CUBN: variants seen among roughly 807,000 people sequenced by gnomAD.
The protein encoded by CUBN is 460 kDa receptor.
In CUBN, 282 loss-of-function variants were observed where a neutral mutation model predicts 405.3. That is an observed-to-expected ratio of 0.70 (90% CI 0.63 to 0.77). The LOEUF is 0.77. CUBN is among the 30% of genes least tolerant of loss of function. The pLI is 0.00. For synonymous variants in CUBN, 1,684 were observed against 1,617.0 expected, an observed-to-expected ratio of 1.04 and a Z score of -0.99; for missense variants, 4,514 against 4,475.2, an observed-to-expected ratio of 1.01 and a Z score of -0.25.
intron 27 of CUBN, among the ~76,000 whole-genome samples, chr10:17,040,506 A>T (rs1834995025): frequency 6.6e-6 from 1 of 152,186 alleles, no homozygotes; most frequent in Non-Finnish European, 1.5e-5. Context: ...TATTTAAGCA[A>T]GATTTATTGC....
chr10:17,124,668 T>C (rs957517105), intron 4 of CUBN, among the ~76,000 whole-genome samples: 1 of 152,194 alleles, frequency 6.6e-6, no homozygotes, highest in East Asian at 1.9e-4. Flanking sequence ...GACCTCGTGA[T>C]CCGCCCGCCT....
chr10:16,915,592 C>T (rs1207367567), intron 46 of CUBN, among the ~76,000 whole-genome samples: 1 of 152,156 alleles, frequency 6.6e-6, no homozygotes. Context: ...CCGTTGCTCT[C>T]CCCAAGTGGC....
intron 22 of CUBN, among the ~76,000 whole-genome samples, chr10:17,060,993 G>C (rs920497234): frequency 1.3e-5 from 2 of 152,130 alleles, no homozygotes; most frequent in African/African-American, 4.8e-5. Flanking sequence ...AGGTTGCAGT[G>C]AGCTGAGATA....
chr10:16,920,414 C>T (rs1371773671), intron 43 of CUBN, among the ~76,000 whole-genome samples: 7 of 152,078 alleles, frequency 4.6e-5, no homozygotes, highest in African/African-American at 9.7e-5. Context: ...ACATGGTGCA[C>T]GGGGCAGAAC....
At chr10:16,826,660 TAA>T (rs1280283427) in intron 66 of CUBN, among the ~76,000 whole-genome samples, 1 of 152,110 alleles carries the variant, frequency 6.6e-6, no homozygotes, top group Non-Finnish European at 1.5e-5. Flanking sequence ...CACCAACAGT[TAA>T]AAAAATTGAT....
intron 60 of CUBN, among the ~76,000 whole-genome samples, chr10:16,846,252 C>T (rs966553327): frequency 4.6e-5 from 7 of 152,154 alleles, no homozygotes; most frequent in East Asian, 1.9e-4. Context: ...TATTGGCATG[C>T]GGGTTGCAAA....
At chr10:17,126,671 A>G in intron 4 of CUBN, 90 bp downstream of exon 4, 7 of 1,378,056 alleles carry the variant, frequency 5.1e-6, no homozygotes, top group South Asian at 3.5e-5. Context: ...TTAATCATCC[A>G]TTCACCTTCA....
chr10:16,856,422 A>C (rs1839869912), intron 59 of CUBN, among the ~76,000 whole-genome samples: 1 of 152,236 alleles, frequency 6.6e-6, no homozygotes, highest in African/African-American at 2.4e-5. Flanking sequence ...AATATTGGAA[A>C]TATAACCCCA....
chr10:16,855,878 G>C (rs528578534), intron 59 of CUBN, among the ~76,000 whole-genome samples: 7 of 152,240 alleles, frequency 4.6e-5, no homozygotes, highest in Admixed American at 1.3e-4. Flanking sequence ...GTAGTGCAGG[G>C]AATAGCAATT....
intron 34 of CUBN, 100 bp downstream of exon 34, chr10:16,949,901 T>C: frequency 1.1e-6 from 1 of 882,520 alleles, no homozygotes; most frequent in Admixed American, 2.0e-5. Flanking sequence ...TTTCTATTTA[T>C]TGGAAACATT....
In CUBN at chr10:16,834,923, A is replaced by G. The variant is rs703060; in HGVS notation, c.10362+91T>C. The G allele has an allele frequency of 0.5, 584,353 of 1,160,668 alleles. 155,766 individuals carry two copies. The highest frequency in any genetic ancestry group is 0.89 in the African/African-American group (57,584 of 64,708). The allele number at this position is 1,160,668 out of a possible 1,614,324, so 71.9% of individuals were successfully genotyped here. A position where few individuals can be genotyped will look rare whatever the true frequency, so the allele number is the denominator to read the frequency against. ...TAATGAAACAAATAAGAATCATATA[A>G]TATTAGCAGCACTAGATAAAAGGTG... On this transcript the variant is annotated intron_variant, in intron 64 of 66. Transcript: ENST00000377833.
intron 4 of CUBN, among the ~76,000 whole-genome samples, chr10:17,124,303 A>G (rs1021463153): frequency 1.1e-4 from 17 of 152,184 alleles, no homozygotes; most frequent in African/African-American, 1.2e-4. Context: ...CTACATCTAC[A>G]TCTACATAAC....
intron 32 of CUBN, among the ~76,000 whole-genome samples, chr10:16,952,855 G>A (rs964756572): frequency 6.6e-6 from 1 of 152,216 alleles, no homozygotes; most frequent in African/African-American, 2.4e-5. Context: ...GGTCACCGCT[G>A]GAGGGCGTAA....
At chr10:17,075,240 C>T (rs566132976) in intron 17 of CUBN, among the ~76,000 whole-genome samples, 6 of 151,854 alleles carry the variant, frequency 4.0e-5, no homozygotes, top group Non-Finnish European at 5.9e-5. Flanking sequence ...CACGCCACCA[C>T]GCCCAGCTAA....
intron 56 of CUBN, among the ~76,000 whole-genome samples, chr10:16,882,586 T>G (rs897726492): frequency 3.9e-5 from 6 of 152,230 alleles, no homozygotes; most frequent in Non-Finnish European, 8.8e-5. Flanking sequence ...GATTTAGAGT[T>G]GGACCACAGT....
At chr10:16,825,715 T>G (rs901860557) in intron 66 of CUBN, among the ~76,000 whole-genome samples, 1 of 149,862 alleles carries the variant, frequency 6.7e-6, no homozygotes, top group African/African-American at 2.5e-5. Context: ...CACTTTCTAT[T>G]CATTCATTTG....
chr10:16,937,289 T>C (rs973225261), intron 39 of CUBN, among the ~76,000 whole-genome samples: 2 of 152,278 alleles, frequency 1.3e-5, no homozygotes, highest in South Asian at 4.1e-4. Flanking sequence ...ATGTGTAGTA[T>C]CTGCAAATCA....
At chr10:16,866,599 T>C (rs17426584) in intron 59 of CUBN, among the ~76,000 whole-genome samples, 6,412 of 152,304 alleles carry the variant, frequency 0.042, 197 homozygotes, top group Non-Finnish European at 0.066. Flanking sequence ...TGATGCAAAC[T>C]ATGAACTCGG....
chr10:16,829,125 C>G, intron 65 of CUBN, 85 bp from the exon 66 acceptor site: 2 of 961,300 alleles, frequency 2.1e-6, no homozygotes, highest in Non-Finnish European at 3.3e-6. Context: ...ACTTTATTTT[C>G]TTAAGGTGCT....
Sources: gnomAD v4.1 joint callset for allele counts (sites outside exome capture counted in the v4.1 genomes callset) on GRCh38, gnomAD v4.1.1 for gene constraint, MANE v1.5 for transcripts, NCBI Gene and HGNC (gene_info 2026-07-23, HGNC 2026-07-21) for gene names.